Variants in ZMYND8 observed in about 807,000 individuals in gnomAD.
The protein encoded by ZMYND8 is MYND-type zinc finger-containing chromatin reader ZMYND8.
A neutral mutation model predicts 140.8 loss-of-function variants in ZMYND8; 37 were observed. The observed-to-expected ratio is 0.26, with a 90% CI of 0.20 to 0.35. The LOEUF is 0.35. Ranked by LOEUF, ZMYND8 falls within the 10% of genes least tolerant of loss-of-function variation. The pLI, the probability that ZMYND8 is intolerant of heterozygous loss-of-function variation, is 1.00. For synonymous variants in ZMYND8, 592 were observed against 597.1 expected (o/e 0.99, Z 0.12); for missense variants, 1,068 against 1,570.0 (o/e 0.68, Z 5.40).
At position 47,350,328 on chromosome 20, in the gene ZMYND8, GAAA is replaced by G. The variant is rs3084684; in HGVS notation, c.15-2405_15-2403del. Among the ~76,000 whole-genome samples the G allele has an allele frequency of 3.9e-4, 36 of 93,280 alleles. 1 individual carries two copies. In the East Asian group the frequency reaches 4.0e-3, roughly 10 times the overall value. 61.2% of individuals were successfully genotyped at this position (93,280 alleles called of 152,430 possible). ...CTGCAGTGTCTATGCATTAAAAGGA[GAAA>G]AAAAAAAAAAAAAAAAAAAAACTTC... On this transcript the variant is annotated intron_variant, in intron 1 of 22. Coordinates refer to ENST00000471951, the MANE Select transcript of ZMYND8 (RefSeq NM_001281775.3).
At chr20:47,234,445 A>G (rs2038949994) in intron 16 of ZMYND8, among the ~76,000 whole-genome samples, 1 of 152,244 alleles carries the variant, frequency 6.6e-6, no homozygotes, top group Non-Finnish European at 1.5e-5. Flanking sequence ...CAAGAAGTGA[A>G]TCTTGCCTGC....
At chr20:47,299,561 T>C (rs929936791) in intron 3 of ZMYND8, among the ~76,000 whole-genome samples, 60 of 150,528 alleles carry the variant, frequency 4.0e-4, no homozygotes, top group African/African-American at 1.4e-3. Flanking sequence ...AAAAAATGGT[T>C]ACCTAATTTT....
At chr20:47,342,019 A>G (rs564959290) in intron 2 of ZMYND8, among the ~76,000 whole-genome samples, 2 of 151,940 alleles carry the variant, frequency 1.3e-5, no homozygotes, top group South Asian at 4.2e-4. Flanking sequence ...AAAAAATACA[A>G]AACTTAGCCA....
intron 11 of ZMYND8, among the ~76,000 whole-genome samples, chr20:47,265,689 C>A (rs1258025810): frequency 2.0e-5 from 3 of 152,178 alleles, no homozygotes; most frequent in African/African-American, 7.2e-5. Context: ...GTGACCCACC[C>A]ACCTCGGCCT....
At chr20:47,251,432 C>T (rs2074161698) in intron 12 of ZMYND8, among the ~76,000 whole-genome samples, 1 of 151,948 alleles carries the variant, frequency 6.6e-6, no homozygotes, top group Non-Finnish European at 1.5e-5. Context: ...ACAAAAAATA[C>T]AAAAAGTAGC....
intron 19 of ZMYND8, among the ~76,000 whole-genome samples, chr20:47,222,523 G>A (rs943577720): frequency 2.6e-5 from 4 of 151,944 alleles, no homozygotes; most frequent in African/African-American, 9.7e-5. Context: ...GAGAAAGAGC[G>A]AGACTCCGTC....
At chr20:47,287,147 G>A (rs2076973299) in intron 8 of ZMYND8, 82 bp downstream of exon 8, 6 of 1,259,600 alleles carry the variant, frequency 4.8e-6, no homozygotes, top group South Asian at 1.2e-5. Flanking sequence ...CTACCTAATA[G>A]GAGATTCTGC....
At chr20:47,289,393 G>A (rs1392031190) in intron 7 of ZMYND8, among the ~76,000 whole-genome samples, 1 of 152,160 alleles carries the variant, frequency 6.6e-6, no homozygotes, top group Non-Finnish European at 1.5e-5. Flanking sequence ...TGCAAAAACT[G>A]TTTGGTGAAA....
chr20:47,278,677 T>C (rs1274434690), intron 10 of ZMYND8, among the ~76,000 whole-genome samples: 3 of 152,176 alleles, frequency 2.0e-5, no homozygotes, highest in Non-Finnish European at 2.9e-5. Flanking sequence ...CGATCTGCTC[T>C]ATCAGAGGGC....
intron 21 of ZMYND8, among the ~76,000 whole-genome samples, chr20:47,215,826 C>T (rs545247692): frequency 4.6e-5 from 7 of 152,322 alleles, no homozygotes; most frequent in South Asian, 4.1e-4. Context: ...GCTTCAGCAG[C>T]GACACGTGGC....
chr20:47,255,980 G>A (rs1157416467), intron 12 of ZMYND8, among the ~76,000 whole-genome samples: 1 of 150,184 alleles, frequency 6.7e-6, no homozygotes, highest in African/African-American at 2.5e-5. Flanking sequence ...GGCTGAGGCA[G>A]GAGAATCACC....
rs184742268 is a variant in ZMYND8 at position 47,259,286 on chromosome 20, C to A, written c.1621+3002G>T. ...AATGTTCCCAAGGAAGCACGTGTGT[C>A]CCTTTTCACTCAAGTGAGGAACCAA... On this transcript the variant is annotated intron_variant, in intron 12 of 22. Coordinates refer to ENST00000471951, the MANE Select transcript of ZMYND8 (RefSeq NM_001281775.3). Among the ~76,000 whole-genome samples, 401 of 152,292 alleles carry A rather than the reference C, an allele frequency of 2.6e-3. 2 individuals are homozygous for A. The highest frequency in any genetic ancestry group is 8.9e-3 in the African/African-American group (369 of 41,558).
chr20:47,221,520 G>T, intron 19 of ZMYND8, 46 bp from the exon 20 acceptor site: 1 of 1,591,184 alleles, frequency 6.3e-7, no homozygotes, highest in Non-Finnish European at 8.6e-7. Flanking sequence ...CACAGAGTAC[G>T]ATGATTTTGA....
intron 2 of ZMYND8, among the ~76,000 whole-genome samples, chr20:47,342,259 G>A (rs1291899835): frequency 6.6e-6 from 1 of 151,788 alleles, no homozygotes; most frequent in Non-Finnish European, 1.5e-5. Flanking sequence ...AAGAAACCAG[G>A]ATCCTCTGGG....
intron 2 of ZMYND8, among the ~76,000 whole-genome samples, chr20:47,311,792 C>T (rs1344277479): frequency 1.3e-5 from 2 of 152,146 alleles, no homozygotes; most frequent in African/African-American, 4.8e-5. Context: ...ATCGCTTGAA[C>T]CCAGGAGGCA....
intron 21 of ZMYND8, among the ~76,000 whole-genome samples, chr20:47,219,434 G>C (rs966044091): frequency 6.6e-6 from 1 of 151,426 alleles, no homozygotes; most frequent in African/African-American, 2.4e-5. Flanking sequence ...GCTGAGGCAG[G>C]AGAATCACTT....
At chr20:47,350,849 A>G (rs377707018) in intron 1 of ZMYND8, among the ~76,000 whole-genome samples, 143 of 152,330 alleles carry the variant, frequency 9.4e-4, no homozygotes, top group African/African-American at 3.3e-3. Context: ...TCTGTTGAGG[A>G]AACTGGGGGC....
intron 11 of ZMYND8, among the ~76,000 whole-genome samples, chr20:47,268,290 C>CTTT (rs561765484): frequency 7.5e-5 from 8 of 107,326 alleles, no homozygotes; most frequent in East Asian, 2.6e-4. Context: ...AACCCCGTCT[C>CTTT]TTTTTTTTTT....
At chr20:47,286,412 C>T (rs1430620685) in intron 8 of ZMYND8, among the ~76,000 whole-genome samples, 1 of 152,160 alleles carries the variant, frequency 6.6e-6, no homozygotes, top group Admixed American at 6.5e-5. Flanking sequence ...CTCCTGGACT[C>T]AAGTGATCTC....
Sources: allele counts gnomAD v4.1 joint callset (sites outside exome capture counted in the v4.1 genomes callset), GRCh38; gene constraint gnomAD v4.1.1; transcripts MANE v1.5; gene names NCBI Gene and HGNC (gene_info 2026-07-23, HGNC 2026-07-21).